SORCS1: variants seen among roughly 807,000 people sequenced by gnomAD.
SORCS1 encodes sortilin related VPS10 domain containing receptor 1.
SORCS1 carries 60 observed loss-of-function variants against 146.1 expected under a neutral mutation model. The ratio of observed to expected loss-of-function variants is 0.41; its 90% CI spans 0.33 to 0.51. The LOEUF (loss-of-function observed/expected upper bound fraction) is 0.51. Ranked by LOEUF, SORCS1 falls within the 20% of genes least tolerant of loss-of-function variation. The pLI is 0.21. For missense variants in SORCS1, 1,352 were observed against 1,487.6 expected, an observed-to-expected ratio of 0.91 and a Z score of 1.50; for synonymous variants, 637 against 584.0, an observed-to-expected ratio of 1.09 and a Z score of -1.31.
At chr10:106,709,163 G>T in intron 7 of SORCS1, 60 bp downstream of exon 7, 1 of 1,341,934 alleles carries the variant, frequency 7.5e-7, no homozygotes, top group Non-Finnish European at 1.1e-6. Context: ...CAGGCAAAAG[G>T]GACAGAAACA....
rs138221021 is a variant in SORCS1 at position 107,095,100 on chromosome 10, G to A, written c.558+68869C>T. On this transcript the variant is annotated intron_variant, in intron 1 of 25. Coordinates refer to ENST00000263054, the MANE Select transcript of SORCS1 (RefSeq NM_052918.5). ...GAGCACTGGCTGGTCATTAAGTCAA[G>A]AGGTGAAGTGACTGTGGAGGAGAAA... Among the ~76,000 whole-genome samples, 1,408 of 152,290 alleles carry A rather than the reference G, an allele frequency of 9.2e-3. 18 individuals carry two copies. The highest frequency in any genetic ancestry group is 0.01 in the Non-Finnish European group (701 of 68,026).
intron 2 of SORCS1, among the ~76,000 whole-genome samples, chr10:106,895,949 G>GTATATATATA (rs112254770): frequency 0.024 from 3,597 of 150,800 alleles, 111 homozygotes; most frequent in East Asian, 0.085. Flanking sequence ...ATGTGTGTGT[G>GTATATATATA]TGTATATATA....
intron 18 of SORCS1, among the ~76,000 whole-genome samples, chr10:106,638,168 T>G (rs1006870747): frequency 6.6e-6 from 1 of 152,210 alleles, no homozygotes. Context: ...ATCAGCAGGC[T>G]CTGGCTAGAA....
intron 21 of SORCS1, 60 bp from the exon 22 acceptor site, chr10:106,612,083 T>G (rs1006107883): frequency 7.5e-7 from 1 of 1,341,212 alleles, no homozygotes; most frequent in Non-Finnish European, 1.1e-6. Context: ...AGAGGTTTGT[T>G]AGACTTTATA....
At chr10:106,874,499 A>T (rs1950532159) in intron 2 of SORCS1, among the ~76,000 whole-genome samples, 1 of 152,236 alleles carries the variant, frequency 6.6e-6, no homozygotes, top group Non-Finnish European at 1.5e-5. Context: ...CTACTCTTCA[A>T]GAGCCTGCAT....
chr10:107,106,383 A>G (rs375077886), intron 1 of SORCS1, among the ~76,000 whole-genome samples: 1 of 152,232 alleles, frequency 6.6e-6, no homozygotes, highest in African/African-American at 2.4e-5. Flanking sequence ...AATGTTTGTT[A>G]AATAGATGTT....
At chr10:107,002,609 A>G (rs1451420963) in intron 1 of SORCS1, among the ~76,000 whole-genome samples, 1 of 152,212 alleles carries the variant, frequency 6.6e-6, no homozygotes, top group Non-Finnish European at 1.5e-5. Context: ...TGAATATGCT[A>G]TATTACATGA....
chr10:106,877,624 C>T (rs536079205), intron 2 of SORCS1, among the ~76,000 whole-genome samples: 5 of 152,188 alleles, frequency 3.3e-5, no homozygotes, highest in African/African-American at 7.2e-5. Flanking sequence ...ATTTGACCTA[C>T]GTATCTAGGA....
At position 106,666,829 on chromosome 10, in the gene SORCS1, G is replaced by A. The variant is rs185590671; in HGVS notation, c.2303+860C>T. 1.5e-4 allele frequency among the ~76,000 whole-genome samples: 23 copies of A among 151,664 alleles called. No homozygotes were observed. The East Asian group carries it at 4.5e-3, about 30-fold the overall frequency. On this transcript the variant is annotated intron_variant, in intron 17 of 25. Transcript: ENST00000263054. The stretch of plus-strand genomic sequence containing the variant: ...GATCCGCCCACCTTAGCCTCCCAAA[G>A]TGCAGTGCTGGGACTACAGGCGTGA...
At chr10:107,087,256 C>A (rs1176372593) in intron 1 of SORCS1, among the ~76,000 whole-genome samples, 1 of 152,178 alleles carries the variant, frequency 6.6e-6, no homozygotes, top group Non-Finnish European at 1.5e-5. Flanking sequence ...AACATGGAGC[C>A]TTATCAGAGG....
chr10:106,996,619 C>G (rs112243537), intron 1 of SORCS1, among the ~76,000 whole-genome samples: 81 of 152,216 alleles, frequency 5.3e-4, no homozygotes, highest in African/African-American at 1.9e-3. Context: ...TTTCGTCGTA[C>G]CAAAAAAATC....
intron 1 of SORCS1, among the ~76,000 whole-genome samples, chr10:107,057,174 T>C (rs1042424407): frequency 6.6e-6 from 1 of 152,194 alleles, no homozygotes; most frequent in Non-Finnish European, 1.5e-5. Context: ...CACTGTTGAT[T>C]CTTAAATCAT....
intron 2 of SORCS1, among the ~76,000 whole-genome samples, chr10:106,855,284 T>TA (rs990859544): frequency 4.6e-5 from 7 of 152,192 alleles, no homozygotes; most frequent in African/African-American, 1.7e-4. Flanking sequence ...CATTCTGCCT[T>TA]AAAAAAGTTT....
chr10:106,696,134 T>C (rs1853684451), intron 9 of SORCS1, among the ~76,000 whole-genome samples: 1 of 64,130 alleles, frequency 1.6e-5, no homozygotes, highest in South Asian at 5.9e-4. Flanking sequence ...ATAATTGGCA[T>C]GAAGAAGCAA....
chr10:107,155,062 G>T (rs938257205), intron 1 of SORCS1, among the ~76,000 whole-genome samples: 5 of 152,104 alleles, frequency 3.3e-5, no homozygotes, highest in Non-Finnish European at 5.9e-5. Context: ...ACATATTGTG[G>T]TTATGTGGAC....
rs564482649 is a variant in SORCS1 at position 106,603,347 on chromosome 10, A to G, written c.3165+3819T>C. ...CTTTTCTCACTCACCAGAGATCCCA[A>G]ATAAAGGCTGGTGGAACCCTCCCAG... is the stretch of plus-strand genomic sequence containing the variant. On this transcript the variant is annotated intron_variant, in intron 23 of 25. Coordinates refer to ENST00000263054, the MANE Select transcript of SORCS1 (RefSeq NM_052918.5). 3.0e-4 allele frequency among the ~76,000 whole-genome samples: 45 copies of G among 152,286 alleles called. No homozygotes were observed. In the East Asian group the frequency reaches 6.6e-3, roughly 22 times the overall value.
At chr10:106,590,804 G>A (rs186127143) in intron 24 of SORCS1, among the ~76,000 whole-genome samples, 2,285 of 152,218 alleles carry the variant, frequency 0.015, 51 homozygotes, top group Admixed American at 0.056. Flanking sequence ...ACAGGTGCAC[G>A]CCACCATGCC....
At chr10:106,798,451 C>T (rs1462969692) in intron 3 of SORCS1, among the ~76,000 whole-genome samples, 1 of 148,016 alleles carries the variant, frequency 6.8e-6, no homozygotes, top group Non-Finnish European at 1.5e-5. Context: ...CCCCCACCCA[C>T]GACAGGCCCT....
chr10:106,934,318 T>C (rs928127520), intron 2 of SORCS1, among the ~76,000 whole-genome samples: 1 of 151,998 alleles, frequency 6.6e-6, no homozygotes, highest in South Asian at 2.1e-4. Context: ...AGTGCAGTGG[T>C]GCGATCTCAG....
Sources: allele counts gnomAD v4.1 joint callset (sites outside exome capture counted in the v4.1 genomes callset), GRCh38; gene constraint gnomAD v4.1.1; transcripts MANE v1.5; gene names NCBI Gene and HGNC (gene_info 2026-07-23, HGNC 2026-07-21).